LRRC72: variants seen among roughly 807,000 people sequenced by gnomAD.
LRRC72 encodes the protein leucine rich repeat containing 72.
Under a neutral mutation model 35.8 loss-of-function variants are expected in LRRC72, and 41 were observed. The ratio of observed to expected loss-of-function variants is 1.15; its 90% confidence interval spans 0.89 to 1.49. The LOEUF (loss-of-function observed/expected upper bound fraction) is 1.49. Ranked by LOEUF, LRRC72 falls within the 40% of genes most tolerant of loss-of-function variation. The probability of loss-of-function intolerance (pLI) is 0.00; values close to 1 mark genes in which losing one functional copy is unlikely to be tolerated. For missense variants in LRRC72, 389 were observed against 330.7 expected, an observed-to-expected ratio of 1.18 and a Z score of -1.37; for synonymous variants, 118 against 119.2, an observed-to-expected ratio of 0.99 and a Z score of 0.07.
At chr7:16,543,519 A>G (rs1782395244) in intron 3 of LRRC72, among the ~76,000 whole-genome samples, 1 of 152,180 alleles carries the variant, frequency 6.6e-6, no homozygotes, top group Non-Finnish European at 1.5e-5. Context: ...TTCCTGTCCA[A>G]CAGAATTCGG....
intron 7 of LRRC72, among the ~76,000 whole-genome samples, chr7:16,575,970 T>C (rs1783033903): frequency 6.6e-6 from 1 of 152,244 alleles, no homozygotes; most frequent in Non-Finnish European, 1.5e-5. Flanking sequence ...TTTTAAATTC[T>C]CTTTACTCCT....
intron 5 of LRRC72, among the ~76,000 whole-genome samples, chr7:16,564,682 C>T (rs1306271976): frequency 1.3e-5 from 2 of 152,070 alleles, no homozygotes; most frequent in Non-Finnish European, 2.9e-5. Flanking sequence ...GCTTTATGTC[C>T]CTCTAAAGCT....
intron 1 of LRRC72, among the ~76,000 whole-genome samples, chr7:16,530,026 C>A (rs1782134357): frequency 6.6e-6 from 1 of 152,072 alleles, no homozygotes; most frequent in Admixed American, 6.5e-5. Context: ...AATATTGTTA[C>A]ACATATTATA....
chr7:16,567,551 G>GT lies in LRRC72; in HGVS notation c.670+9dup. 4 of 625,946 alleles carry GT rather than the reference G, an allele frequency of 6.4e-6. No homozygotes were observed. The highest frequency in any genetic ancestry group is 3.0e-5 in the African/African-American group (1 of 33,748). 38.8% of individuals were successfully genotyped at this position (625,946 alleles called of 1,614,324 possible). On this transcript the variant is annotated intron_variant, in intron 7 of 8. Coordinates refer to ENST00000401542, the MANE Select transcript of LRRC72 (RefSeq NM_001195280.2). Reference sequence around the variant, plus strand: ...CCCAGAGAGTACCTTCAGGTATTTCGTAAAAAAAAAAAAAAAAACAAATTT... The same window carrying GT: ...CCCAGAGAGTACCTTCAGGTATTTCGTTAAAAAAAAAAAAAAAAACAAATTT...
intron 3 of LRRC72, 22 bp downstream of exon 3, chr7:16,537,718 C>A (rs1167390694): frequency 1.6e-6 from 2 of 1,256,676 alleles, no homozygotes; most frequent in Non-Finnish European, 2.2e-6. Context: ...TTTTATCTTT[C>A]AATTACTAAA....
chr7:16,577,766 A>G (rs1045940883), intron 7 of LRRC72, among the ~76,000 whole-genome samples: 17 of 152,218 alleles, frequency 1.1e-4, no homozygotes, highest in Non-Finnish European at 2.1e-4. Context: ...AGACATATAT[A>G]CAAAGAAAGA....
intron 7 of LRRC72, among the ~76,000 whole-genome samples, chr7:16,573,754 A>G (rs1313899747): frequency 1.3e-5 from 2 of 152,270 alleles, no homozygotes; most frequent in East Asian, 1.9e-4. Context: ...CAAAGACTTC[A>G]TGACTAAAAC....
intron 2 of LRRC72, 84 bp downstream of exon 2, chr7:16,532,652 T>TC: frequency 9.0e-7 from 1 of 1,117,154 alleles, no homozygotes; most frequent in Non-Finnish European, 1.3e-6. Flanking sequence ...AATGTTATTT[T>TC]CCATTTTTCC....
At chr7:16,539,057 G>A (rs766861394) in intron 3 of LRRC72, among the ~76,000 whole-genome samples, 4 of 152,202 alleles carry the variant, frequency 2.6e-5, no homozygotes, top group African/African-American at 4.8e-5. Context: ...TTGGAACTGA[G>A]TAACAGGCAG....
intron 2 of LRRC72, among the ~76,000 whole-genome samples, chr7:16,536,356 A>G (rs1173570421): frequency 2.0e-5 from 3 of 152,192 alleles, no homozygotes; most frequent in Non-Finnish European, 4.4e-5. Flanking sequence ...AGATTACATT[A>G]CTGAATTCAA....
intron 3 of LRRC72, among the ~76,000 whole-genome samples, chr7:16,543,996 A>G (rs994813336): frequency 2.6e-5 from 4 of 152,236 alleles, no homozygotes; most frequent in Non-Finnish European, 5.9e-5. Context: ...CTATTTGGAT[A>G]TAGCTTATCC....
intron 7 of LRRC72, among the ~76,000 whole-genome samples, chr7:16,572,373 TC>T (rs1782962458): frequency 6.6e-6 from 1 of 152,046 alleles, no homozygotes; most frequent in African/African-American, 2.4e-5. Context: ...CAGGCCAATA[TC>T]CCTGACGAAC....
chr7:16,564,414 C>A (rs1782792240), intron 5 of LRRC72, among the ~76,000 whole-genome samples: 1 of 151,486 alleles, frequency 6.6e-6, no homozygotes, highest in African/African-American at 2.4e-5. Context: ...TACATCTGTT[C>A]TATTCCCTGT....
At chr7:16,574,689 C>T (rs1158503676) in intron 7 of LRRC72, among the ~76,000 whole-genome samples, 1 of 151,878 alleles carries the variant, frequency 6.6e-6, no homozygotes, top group Non-Finnish European at 1.5e-5. Context: ...AGGAGAAATA[C>T]CTAAAGTAAC....
At chr7:16,581,302 C>T (rs777819685) in intron 8 of LRRC72, 22 bp from the exon 9 acceptor site, 26 of 1,412,406 alleles carry the variant, frequency 1.8e-5, no homozygotes, top group East Asian at 1.4e-4. Flanking sequence ...TTTTTTCTGA[C>T]ATAATTGCTT....
At chr7:16,554,137 T>C (rs1782605887) in intron 3 of LRRC72, among the ~76,000 whole-genome samples, 1 of 152,154 alleles carries the variant, frequency 6.6e-6, no homozygotes, top group Admixed American at 6.5e-5. Context: ...GAGACCAGCC[T>C]GGCCAACATG....
intron 7 of LRRC72, among the ~76,000 whole-genome samples, chr7:16,571,983 G>T (rs912340328): frequency 7.2e-5 from 11 of 152,180 alleles, no homozygotes; most frequent in African/African-American, 2.7e-4. Flanking sequence ...GTCTGAAGTC[G>T]ACCTGGGTCG....
intron 8 of LRRC72, 26 bp from the exon 9 acceptor site, chr7:16,581,298 C>T: frequency 7.1e-7 from 1 of 1,409,596 alleles, no homozygotes; most frequent in Non-Finnish European, 9.3e-7. Flanking sequence ...TGCTTTTTTT[C>T]TGACATAATT....
chr7:16,555,117 T>A (rs900452225), intron 3 of LRRC72, among the ~76,000 whole-genome samples: 1 of 152,152 alleles, frequency 6.6e-6, no homozygotes, highest in Admixed American at 6.5e-5. Context: ...GTTTCTCCTA[T>A]CTTGGGGAAA....
Sources: allele counts gnomAD v4.1 joint callset (sites outside exome capture counted in the v4.1 genomes callset), GRCh38; gene constraint gnomAD v4.1.1; transcripts MANE v1.5; gene names NCBI Gene and HGNC (gene_info 2026-07-23, HGNC 2026-07-21).